Variants in DPYS observed in about 807,000 individuals in gnomAD.
DPYS encodes the protein dihydropyrimidine amidohydrolase.
DPYS carries 39 observed loss-of-function variants against 50.3 expected under a neutral mutation model. That is an observed-to-expected ratio of 0.78 (90% CI 0.60 to 1.01). The LOEUF (loss-of-function observed/expected upper bound fraction) is 1.01. Ranked by LOEUF, DPYS falls within the 50% of genes least tolerant of loss-of-function variation. DPYS has a pLI of 0.00. For missense variants in DPYS, 659 were observed against 680.9 expected (o/e 0.97, Z 0.36); for synonymous variants, 245 against 250.7 (o/e 0.98, Z 0.22).
chr8:104,422,321 C>G (rs1164191258), intron 7 of DPYS, among the ~76,000 whole-genome samples: 1 of 152,152 alleles, frequency 6.6e-6, no homozygotes. Context: ...ATTGGCCCAC[C>G]TGATTGGAAG....
chr8:104,385,985 A>G (rs1811202768), intron 8 of DPYS, among the ~76,000 whole-genome samples: 1 of 152,238 alleles, frequency 6.6e-6, no homozygotes, highest in South Asian at 2.1e-4. Flanking sequence ...TAAGTAATAC[A>G]AAAGACATAG....
At chr8:104,397,101 ACTT>A (rs1736367199) in intron 7 of DPYS, among the ~76,000 whole-genome samples, 2 of 152,232 alleles carry the variant, frequency 1.3e-5, no homozygotes, top group Admixed American at 1.3e-4. Flanking sequence ...GAGCTTTCAC[ACTT>A]CTGAATCCTT....
At position 104,411,368 on chromosome 8, in the gene DPYS, T is replaced by C. The variant is rs565473733; in HGVS notation, c.1235+12879A>G. The stretch of plus-strand genomic sequence containing the variant: ...TCCATTTGTTTTTCTTGTGGGTAAA[T>C]TGCCTTCTCATTATTCTGCCTCCAG... On this transcript the variant is annotated intron_variant, in intron 7 of 9. Transcript: ENST00000351513. Among the ~76,000 whole-genome samples the C allele has an allele frequency of 3.3e-5, 5 of 152,324 alleles. No individual in the cohort carries two copies. In the East Asian group the frequency reaches 7.7e-4, roughly 24 times the overall value.
At chr8:104,461,828 G>T (rs1215740883) in intron 1 of DPYS, among the ~76,000 whole-genome samples, 1 of 152,124 alleles carries the variant, frequency 6.6e-6, no homozygotes, top group African/African-American at 2.4e-5. Context: ...AGAGGATAAT[G>T]AGGCCACAAA....
intron 7 of DPYS, among the ~76,000 whole-genome samples, chr8:104,400,922 G>A (rs373918566): frequency 7.2e-5 from 11 of 152,318 alleles, no homozygotes; most frequent in South Asian, 4.1e-4. Context: ...AAAGAGCCGC[G>A]TGCTCTTACA....
chr8:104,387,160 T>C (rs969326019), intron 8 of DPYS, among the ~76,000 whole-genome samples: 3 of 152,108 alleles, frequency 2.0e-5, no homozygotes, highest in Non-Finnish European at 4.4e-5. Context: ...TCAGCACACA[T>C]TGAACTGAGC....
rs571923028 is a variant in DPYS at position 104,427,017 on chromosome 8, A to G, written c.1092+963T>C. 3.9e-4 allele frequency among the ~76,000 whole-genome samples: 59 copies of G among 152,132 alleles called. No homozygotes were observed. In the South Asian group the frequency reaches 0.011, roughly 28 times the overall value. ...GGAGTTTGAAACCAGCCTGGCCAACATGGTGAAACCCCCTCTCTATTAAAA... is the reference window on the plus strand; with the variant it reads ...GGAGTTTGAAACCAGCCTGGCCAACGTGGTGAAACCCCCTCTCTATTAAAA... On this transcript the variant is annotated intron_variant, in intron 6 of 9. Coordinates refer to ENST00000351513, the MANE Select transcript of DPYS (RefSeq NM_001385.3).
At chr8:104,399,976 A>G (rs114206728) in intron 7 of DPYS, among the ~76,000 whole-genome samples, 21 of 152,010 alleles carry the variant, frequency 1.4e-4, no homozygotes, top group African/African-American at 4.8e-4. Context: ...AGAGATGGGC[A>G]ATTGCATTCT....
intron 7 of DPYS, among the ~76,000 whole-genome samples, chr8:104,402,764 A>C (rs1811862954): frequency 6.6e-6 from 1 of 152,224 alleles, no homozygotes; most frequent in Admixed American, 6.5e-5. Context: ...AGAAAAAGGA[A>C]TTAAGAGACA....
At chr8:104,390,499 C>CA (rs1554690818) in intron 8 of DPYS, among the ~76,000 whole-genome samples, 92 of 141,776 alleles carry the variant, frequency 6.5e-4, no homozygotes, top group African/African-American at 2.4e-3. Flanking sequence ...TTCTCTTTAA[C>CA]TTTTTTTTTT....
At chr8:104,443,928 T>C (rs2853176) in intron 4 of DPYS, among the ~76,000 whole-genome samples, 93,911 of 151,940 alleles carry the variant, frequency 0.62, 30,251 homozygotes, top group Non-Finnish European at 0.72. Context: ...GCTTTGCATT[T>C]AGCTATCATA....
chr8:104,427,915 C>A, intron 6 of DPYS, 65 bp downstream of exon 6: 2 of 1,612,056 alleles, frequency 1.2e-6, no homozygotes, highest in Non-Finnish European at 1.7e-6. Flanking sequence ...CCACTCTGGT[C>A]CTCAAATGGG....
chr8:104,424,319 A>T lies in DPYS; in HGVS notation c.1163T>A (p.Leu388His). Reference sequence around the variant, plus strand: ...AGCTATTCTTCCTTTTCTTGGATAGAGATTAAAAATTTTGGCTGCATTTGT... The same window carrying T: ...AGCTATTCTTCCTTTTCTTGGATAGTGATTAAAAATTTTGGCTGCATTTGT... ...TSTNAAKIFN[L>H]YPRKGRIAVG... The change falls in exon 7 of 10, where the codon CTC becomes CAC. Residue 388 changes from leucine to histidine, a missense_variant. Leu to His is a moderately conservative substitution (Grantham distance 99). Transcript: ENST00000351513. 1 of 1,614,140 alleles carries T rather than the reference A, an allele frequency of 6.2e-7. No individual in the cohort carries two copies. The highest frequency in any genetic ancestry group is 1.3e-5 in the African/African-American group (1 of 75,064).
rs769403392 is a variant in DPYS at position 104,428,000 on chromosome 8, C to T, written c.1072G>A (p.Val358Ile). Residue 358 changes from valine (V) to isoleucine (I), a missense_variant, in exon 6 of 10, where the codon GTA becomes ATA. Val to Ile is a conservative substitution (Grantham distance 29). Coordinates refer to ENST00000351513, the MANE Select transcript of DPYS (RefSeq NM_001385.3). ...GVNGVEDRMS[V>I]IWEKGVHSGK... ...CCCACCACGCCTTTTTCCCATATTACGGACATCCGATCTTCAACACCATTC... is the reference window on the plus strand; with the variant it reads ...CCCACCACGCCTTTTTCCCATATTATGGACATCCGATCTTCAACACCATTC... 5.0e-6 allele frequency: 8 copies of T among 1,614,076 alleles called. No homozygotes were observed. In the East Asian group the frequency reaches 6.7e-5, roughly 13 times the overall value.
At chr8:104,437,784 T>C (rs1235537537) in intron 4 of DPYS, among the ~76,000 whole-genome samples, 1 of 152,214 alleles carries the variant, frequency 6.6e-6, no homozygotes, top group Non-Finnish European at 1.5e-5. Context: ...CCAAGAACCC[T>C]CTATTGGGGT....
At chr8:104,388,773 G>C (rs1416820057) in intron 8 of DPYS, among the ~76,000 whole-genome samples, 2 of 152,168 alleles carry the variant, frequency 1.3e-5, no homozygotes, top group East Asian at 3.8e-4. Flanking sequence ...TGTCAAATCA[G>C]ATAAAAACGT....
intron 1 of DPYS, among the ~76,000 whole-genome samples, chr8:104,452,568 C>T (rs892476570): frequency 5.9e-5 from 9 of 152,150 alleles, no homozygotes; most frequent in Admixed American, 2.0e-4. Context: ...TAGGTCCAGG[C>T]GCCTTGGCCA....
chr8:104,425,089 CAA>C (rs1383462099), intron 6 of DPYS, among the ~76,000 whole-genome samples: 1 of 151,970 alleles, frequency 6.6e-6, no homozygotes, highest in Non-Finnish European at 1.5e-5. Context: ...CTTGGCCTCC[CAA>C]AGTGTTGGGA....
intron 7 of DPYS, among the ~76,000 whole-genome samples, chr8:104,408,843 C>T (rs1461308700): frequency 3.4e-5 from 5 of 148,910 alleles, no homozygotes; most frequent in African/African-American, 1.2e-4. Flanking sequence ...GATAGAGTTT[C>T]ACTCTTGTTG....
Sources: allele counts gnomAD v4.1 joint callset (sites outside exome capture counted in the v4.1 genomes callset), GRCh38; gene constraint gnomAD v4.1.1; transcripts MANE v1.5; gene names NCBI Gene and HGNC (gene_info 2026-07-23, HGNC 2026-07-21).